PDK1: variants seen among roughly 807,000 people sequenced by gnomAD.
PDK1 encodes the protein [Pyruvate dehydrogenase (acetyl-transferring)] kinase isozyme 1, mitochondrial.
In PDK1, 39 loss-of-function variants were observed where a neutral mutation model predicts 54.2. That is an observed-to-expected ratio of 0.72 (90% CI 0.56 to 0.94). The LOEUF is 0.94. Ranked by LOEUF, PDK1 falls within the 40% of genes least tolerant of loss-of-function variation. PDK1 has a pLI of 0.00. For synonymous variants in PDK1, 221 were observed against 207.1 expected (o/e 1.07, Z -0.58); for missense variants, 552 against 566.0 (o/e 0.98, Z 0.25).
chr2:172,632,963 A>T, the PDK1 span, among the ~76,000 whole-genome samples: 1 of 84,346 alleles, frequency 1.2e-5, no homozygotes, highest in Admixed American at 1.7e-4. Flanking sequence ...CCTGGGCGAC[A>T]GAATGAGATT....
the PDK1 span, among the ~76,000 whole-genome samples, chr2:172,628,337 C>G: frequency 0.14 from 22,063 of 152,258 alleles, 1,798 homozygotes; most frequent in African/African-American, 0.2. Flanking sequence ...TCTGGTCTCA[C>G]GGTGCCGGGC....
Position 172,570,761 on chromosome 2 carries a change from C to A in PDK1, c.882C>A (p.Asn294Lys). 1 of 1,610,056 alleles carries A rather than the reference C, an allele frequency of 6.2e-7. No individual in the cohort carries two copies. Among genetic ancestry groups the A allele is most frequent in the Non-Finnish European group, 8.5e-7 (1 of 1,176,580 alleles). ...AMRATMEHHA[N>K]RGVYPPIQVH... ...GAGCCACTATGGAACACCATGCCAA[C>A]AGAGGTGTTTACCCCCCTATTCAAG... is the stretch of plus-strand genomic sequence containing the variant. Residue 294 changes from asparagine (N) to lysine (K), a missense_variant, in exon 8 of 11, where the codon AAC (asparagine) becomes AAA (lysine). Physicochemically the swap from Asn to Lys is moderately conservative, Grantham distance 94 (BLOSUM62 0). Coordinates refer to ENST00000282077, the MANE Select transcript of PDK1 (RefSeq NM_002610.5).
At chr2:172,613,380 C>T (rs765188453), downstream of PDK1, among the ~76,000 whole-genome samples, 1 of 152,214 alleles carries the variant, frequency 6.6e-6, no homozygotes, top group Admixed American at 6.5e-5. Context: ...TTGAGCAGTA[C>T]GCTCCATGAC....
At chr2:172,681,360 T>C in the PDK1 span, among the ~76,000 whole-genome samples, 1 of 152,352 alleles carries the variant, frequency 6.6e-6, no homozygotes, top group African/African-American at 2.4e-5. Flanking sequence ...GAATTTTGTT[T>C]TTGCAGTGGG....
chr2:172,702,973 A>G, the PDK1 span, among the ~76,000 whole-genome samples: 1 of 151,800 alleles, frequency 6.6e-6, no homozygotes, highest in African/African-American at 2.4e-5. Flanking sequence ...GAAACTTTAA[A>G]TGTTACCTTA....
At chr2:172,558,195 G>T (rs1688456191) in intron 1 of PDK1, 1 of 152,416 alleles carries the variant, frequency 6.6e-6, no homozygotes, top group South Asian at 2.1e-4. Context: ...AAGGAACAAA[G>T]AAATCTGTAA....
the PDK1 span, among the ~76,000 whole-genome samples, chr2:172,691,745 G>A: frequency 3.3e-5 from 5 of 152,178 alleles, no homozygotes; most frequent in Admixed American, 6.5e-5. Context: ...TGGCTTGATG[G>A]CTCATTTCTC....
downstream of PDK1, among the ~76,000 whole-genome samples, chr2:172,610,891 C>T (rs145259442): frequency 1.4e-4 from 22 of 152,348 alleles, no homozygotes; most frequent in African/African-American, 4.1e-4. Context: ...GGATTACAGG[C>T]GTGAGCCACT....
chr2:172,654,848 A>AC, the PDK1 span, among the ~76,000 whole-genome samples: 5 of 152,132 alleles, frequency 3.3e-5, no homozygotes, highest in Non-Finnish European at 7.4e-5. Context: ...CTACCTGGCT[A>AC]GGGATAAGCT....
chr2:172,610,595 A>T (rs1691430452), downstream of PDK1, among the ~76,000 whole-genome samples: 1 of 152,034 alleles, frequency 6.6e-6, no homozygotes, highest in South Asian at 2.1e-4. Context: ...TCCTACATCA[A>T]ATTATCTCTA....
chr2:172,649,906 A>T, the PDK1 span, among the ~76,000 whole-genome samples: 1 of 152,234 alleles, frequency 6.6e-6, no homozygotes, highest in Non-Finnish European at 1.5e-5. Context: ...CAAGTTGGAA[A>T]ACACTCTTCA....
At chr2:172,637,181 T>C in the PDK1 span, among the ~76,000 whole-genome samples, 2 of 152,210 alleles carry the variant, frequency 1.3e-5, no homozygotes, top group Non-Finnish European at 2.9e-5. Flanking sequence ...TTTTAAAAAA[T>C]GTTTCATGTT....
At chr2:172,709,697 G>C in the PDK1 span, among the ~76,000 whole-genome samples, 1 of 152,160 alleles carries the variant, frequency 6.6e-6, no homozygotes, top group Non-Finnish European at 1.5e-5. Flanking sequence ...GTGAGAAATT[G>C]CATAAAGTGC....
the PDK1 span, among the ~76,000 whole-genome samples, chr2:172,681,965 C>A: frequency 2.0e-5 from 3 of 152,186 alleles, no homozygotes; most frequent in Non-Finnish European, 4.4e-5. Context: ...ACCATGTTGG[C>A]CAGGCTGGTC....
Position 172,571,823 on chromosome 2 carries a change from C to CGTTTTTTTT in PDK1, c.945+999_945+1000insGTTTTTTTT, listed in dbSNP as rs765005051. Among the ~76,000 whole-genome samples the CGTTTTTTTT allele has an allele frequency of 2.4e-3, 237 of 99,774 alleles. 34 individuals are homozygous for CGTTTTTTTT. Among genetic ancestry groups the CGTTTTTTTT allele is most frequent in the Middle Eastern group, 0.014 (2 of 148 alleles). The allele number at this position is 99,774 out of a possible 152,430, so 65.5% of individuals were successfully genotyped here. ...CTCAGAGATTCTTAGTCTTTCTTTA[C>CGTTTTTTTT]TTTTTTTTTTTTTTTTTTTTTTTTT... On this transcript the variant is annotated intron_variant, in intron 8 of 10. Coordinates refer to ENST00000282077, the MANE Select transcript of PDK1 (RefSeq NM_002610.5).
the PDK1 span, among the ~76,000 whole-genome samples, chr2:172,687,073 A>G: frequency 6.6e-6 from 1 of 152,190 alleles, no homozygotes; most frequent in Non-Finnish European, 1.5e-5. Flanking sequence ...GCTTGTTTTG[A>G]AACAATAATA....
rs370023525 is a variant in PDK1 at position 172,601,034 on chromosome 2, T to G, written c.*5065T>G. On this transcript the variant is annotated 3_prime_UTR_variant, in exon 11 of 11. Coordinates refer to ENST00000282077, the MANE Select transcript of PDK1 (RefSeq NM_002610.5). Reference sequence around the variant, plus strand: ...AGGTCAAAAAGAGCTATATTTGAGCTGCTGTTTGTTAAAAGAAAAGTTTTC... The same window carrying G: ...AGGTCAAAAAGAGCTATATTTGAGCGGCTGTTTGTTAAAAGAAAAGTTTTC... 2 of 152,212 alleles carry G rather than the reference T, an allele frequency of 1.3e-5. No homozygotes were observed. The highest frequency in any genetic ancestry group is 2.1e-4 in the South Asian group (1 of 4,828). 9.4% of individuals were successfully genotyped at this position (152,212 alleles called of 1,614,324 possible). A position where few individuals can be genotyped will look rare whatever the true frequency, so the allele number is the denominator to read the frequency against.
At chr2:172,721,038 A>G in the PDK1 span, among the ~76,000 whole-genome samples, 4 of 152,204 alleles carry the variant, frequency 2.6e-5, no homozygotes, top group African/African-American at 9.7e-5. Context: ...GTACTGTCAC[A>G]CTAGTTCACA....
At chr2:172,724,136 G>A in the PDK1 span, 2 of 152,018 alleles carry the variant, frequency 1.3e-5, no homozygotes, top group African/African-American at 4.8e-5. Flanking sequence ...ATACTTCAAT[G>A]TGCATCTCTG....
Sources: gnomAD v4.1 joint callset for allele counts (sites outside exome capture counted in the v4.1 genomes callset) on GRCh38, gnomAD v4.1.1 for gene constraint, MANE v1.5 for transcripts, NCBI Gene and HGNC (gene_info 2026-07-23, HGNC 2026-07-21) for gene names.